The following GDNF variants were observed in gnomAD, a reference collection of about 807,000 sequenced individuals.
GDNF encodes the protein glial cell line-derived neurotrophic factor.
A neutral mutation model predicts 13.7 loss-of-function variants in GDNF; 5 were observed. The observed-to-expected ratio is 0.36, with a 90% CI of 0.19 to 0.77. The LOEUF (loss-of-function observed/expected upper bound fraction) is 0.77. Ranked by LOEUF, GDNF falls within the 30% of genes least tolerant of loss-of-function variation. The pLI is 0.51. For missense variants in GDNF, 246 were observed against 274.3 expected (o/e 0.90, Z 0.73); for synonymous variants, 122 against 112.5 (o/e 1.08, Z -0.53).
At position 37,813,375 on chromosome 5, in the gene GDNF, T is replaced by C. The variant is rs921013533; in HGVS notation, c.*2276A>G. The C allele has an allele frequency of 1.3e-5, 2 of 152,136 alleles. No individual in the cohort carries two copies. Among genetic ancestry groups the C allele is most frequent in the African/African-American group, 4.8e-5 (2 of 41,430 alleles). The allele number at this position is 152,136 out of a possible 1,614,324, so 9.4% of individuals were successfully genotyped here. The stretch of plus-strand genomic sequence containing the variant: ...TGCTAAATCTGTCATAGTTTTATAC[T>C]AGTAGCCACTAAGGTAGGTAGTAAT... On this transcript the variant is annotated 3_prime_UTR_variant, in exon 3 of 3. Transcript: ENST00000326524.
chr5:37,823,711 C>T (rs1750217544), intron 2 of GDNF, among the ~76,000 whole-genome samples: 2 of 152,224 alleles, frequency 1.3e-5, no homozygotes, highest in South Asian at 4.1e-4. Context: ...GCCCGGATTC[C>T]AGTCTTGGGT....
At chr5:37,835,055 TCTC>T (rs957036014) in intron 1 of GDNF, 2 of 582,338 alleles carry the variant, frequency 3.4e-6, no homozygotes, top group Middle Eastern at 4.6e-4. Context: ...CAGCTGCCCT[TCTC>T]CACCACACGG....
chr5:37,835,679 C>T (rs970289036), intron 1 of GDNF: 42 of 1,549,152 alleles, frequency 2.7e-5, no homozygotes, highest in Non-Finnish European at 2.6e-5. Context: ...AGTTTTAATC[C>T]TCCGTGGTAT....
chr5:37,831,403 C>T (rs1444317376), intron 2 of GDNF, among the ~76,000 whole-genome samples: 3 of 152,208 alleles, frequency 2.0e-5, no homozygotes, highest in African/African-American at 7.2e-5. Context: ...TGTATATGTG[C>T]ATTTAGATGC....
intron 1 of GDNF, among the ~76,000 whole-genome samples, chr5:37,836,453 G>A (rs1750711031): frequency 1.3e-5 from 2 of 152,182 alleles, no homozygotes; most frequent in Non-Finnish European, 1.5e-5. Context: ...CTATGCAGCT[G>A]TTGGGCTCGA....
chr5:37,837,682 A>G lies in GDNF; in HGVS notation c.-27+1825T>C, dbSNP rs535709327. 2.6e-5 allele frequency among the ~76,000 whole-genome samples: 4 copies of G among 152,318 alleles called. No homozygotes were observed. In the East Asian group the frequency reaches 7.7e-4, roughly 29 times the overall value. ...TCTACGAGCCTCCCGAAATCCCATT[A>G]GCCCGGGAACCTGTGGAGGTCCTTA... On this transcript the variant is annotated intron_variant, in intron 1 of 2. Coordinates refer to ENST00000326524, the MANE Select transcript of GDNF (RefSeq NM_000514.4). The surrounding 1 kb of genome is among the most constrained non-coding windows in gnomAD (Gnocchi z 6.5).
intron 1 of GDNF, among the ~76,000 whole-genome samples, chr5:37,836,352 A>T (rs2111729448): frequency 6.6e-6 from 1 of 152,106 alleles, no homozygotes; most frequent in East Asian, 1.9e-4. Flanking sequence ...GTCCCGGTGC[A>T]GGCAACCCGG....
intron 2 of GDNF, among the ~76,000 whole-genome samples, chr5:37,822,663 G>T (rs1004608575): frequency 2.0e-5 from 3 of 152,138 alleles, no homozygotes; most frequent in Admixed American, 6.5e-5. Context: ...TACCTATATT[G>T]CAGGTAAAAT....
intron 2 of GDNF, among the ~76,000 whole-genome samples, chr5:37,831,730 C>G (rs1340791115): frequency 6.6e-6 from 1 of 152,158 alleles, no homozygotes; most frequent in African/African-American, 2.4e-5. Context: ...CCTTTCAGCT[C>G]GAAAATGCTA....
In GDNF at chr5:37,834,637, G is replaced by A. The variant is rs780518151; in HGVS notation, c.151+9C>T. On this transcript the variant is annotated intron_variant, in intron 2 of 2. Transcript: ENST00000326524. Reference sequence around the variant, plus strand: ...GGCGGCCCCCCCGCGGGGAGGGAACGGTTCTTACAGTCACTGCTCAGCGCG... The same window carrying A: ...GGCGGCCCCCCCGCGGGGAGGGAACAGTTCTTACAGTCACTGCTCAGCGCG... 23 of 1,539,430 alleles carry A rather than the reference G, an allele frequency of 1.5e-5. No homozygotes were observed. Among genetic ancestry groups the A allele is most frequent in the African/African-American group, 4.2e-5 (3 of 70,746 alleles).
At chr5:37,828,785 T>C (rs1241629308) in intron 2 of GDNF, among the ~76,000 whole-genome samples, 1 of 152,266 alleles carries the variant, frequency 6.6e-6, no homozygotes, top group African/African-American at 2.4e-5. Context: ...ATCATGTGGA[T>C]AGTTAAAAGG....
At chr5:37,834,574 CG>C in intron 2 of GDNF, 71 bp downstream of exon 2, 1 of 1,270,178 alleles carries the variant, frequency 7.9e-7, no homozygotes, top group Non-Finnish European at 1.0e-6. Context: ...GGGGTACGTG[CG>C]GGGCTGGCTG....
At chr5:37,823,627 A>ATC (rs144493074) in intron 2 of GDNF, among the ~76,000 whole-genome samples, 9,110 of 152,302 alleles carry the variant, frequency 0.06, 394 homozygotes, top group Non-Finnish European at 0.093. Flanking sequence ...GAGAGGCCCC[A>ATC]TCTCCGGAAG....
rs1340199911 is a variant in GDNF, at chr5:37,812,773, A to G, written c.*2878T>C. ...CTTTGGTTTTATAACACAAACGACC[A>G]AGACAGATCAGAGAAGTCAGAACTT... is the stretch of plus-strand genomic sequence containing the variant. On this transcript the variant is annotated 3_prime_UTR_variant, in exon 3 of 3. Coordinates refer to ENST00000326524, the MANE Select transcript of GDNF (RefSeq NM_000514.4). 1 of 152,252 alleles carries G rather than the reference A, an allele frequency of 6.6e-6. No individual in the cohort carries two copies. Among genetic ancestry groups the G allele is most frequent in the East Asian group, 1.9e-4 (1 of 5,200 alleles). The allele number at this position is 152,252 out of a possible 1,614,324, so 9.4% of individuals were successfully genotyped here.
chr5:37,816,167 G>A (rs771821622), intron 2 of GDNF, 32 bp from the exon 3 acceptor site: 1 of 1,610,478 alleles, frequency 6.2e-7, no homozygotes, highest in Non-Finnish European at 8.5e-7. Context: ...AATGGCACAT[G>A]AGACAAAATG....
intron 2 of GDNF, among the ~76,000 whole-genome samples, chr5:37,819,223 A>G (rs1002874262): frequency 6.6e-6 from 1 of 152,196 alleles, no homozygotes; most frequent in Admixed American, 6.5e-5. Context: ...AAATGCTCCA[A>G]AGTAAACAGC....
At chr5:37,835,378 T>G in intron 1 of GDNF, 1 of 1,299,162 alleles carries the variant, frequency 7.7e-7, no homozygotes, top group Non-Finnish European at 1.0e-6. Context: ...GAGGGCAGGC[T>G]CGGGGGCACC....
In GDNF at chr5:37,815,747, T is replaced by C. The variant is rs112417561; in HGVS notation, c.540A>G (p.Arg180=). Residue 180 remains arginine, a synonymous_variant, in exon 3 of 3, where the codon AGA becomes AGG. Coordinates refer to ENST00000326524, the MANE Select transcript of GDNF (RefSeq NM_000514.4). The surrounding 1 kb of genome is among the most constrained non-coding windows in gnomAD (Gnocchi z 5.0). ...ACAGGTCATCATCAAAGGCGATGGGTCTGCAACATGCCTGCCCTACTTTGT... is the reference window on the plus strand; with the variant it reads ...ACAGGTCATCATCAAAGGCGATGGGCCTGCAACATGCCTGCCCTACTTTGT... ...VSDKVGQACC[R]PIAFDDDLSF... 6.0e-4 allele frequency: 961 copies of C among 1,613,998 alleles called. 4 individuals are homozygous for C. The African/African-American group carries it at 0.011, about 19-fold the overall frequency.
At chr5:37,836,211 C>T (rs944763095) in intron 1 of GDNF, among the ~76,000 whole-genome samples, 4 of 151,260 alleles carry the variant, frequency 2.6e-5, no homozygotes, top group Admixed American at 2.6e-4. Flanking sequence ...TTTTTTTTCC[C>T]ATGCGGGAGG....
Sources: allele counts gnomAD v4.1 joint callset (sites outside exome capture counted in the v4.1 genomes callset), GRCh38; gene constraint gnomAD v4.1.1; non-coding constraint Gnocchi (gnomAD v3.1); transcripts MANE v1.5; gene names NCBI Gene and HGNC (gene_info 2026-07-23, HGNC 2026-07-21).